The following LCP1 variants were observed in gnomAD, a reference collection of about 807,000 sequenced individuals.
The protein encoded by LCP1 is plastin-2.
In LCP1, 23 loss-of-function variants were observed where a neutral mutation model predicts 72.0. The ratio of observed to expected loss-of-function variants is 0.32; its 90% CI spans 0.23 to 0.45. The LOEUF is 0.45. LCP1 is among the 20% of genes least tolerant of loss of function. The probability of loss-of-function intolerance (pLI) is 1.00; values close to 1 mark genes in which losing one functional copy is unlikely to be tolerated. For synonymous variants in LCP1, 245 were observed against 275.4 expected (o/e 0.89, Z 1.09); for missense variants, 571 against 748.3 (o/e 0.76, Z 2.76).
chr13:46,168,730 A>G (rs1436562365), intron 1 of LCP1, among the ~76,000 whole-genome samples: 1 of 152,222 alleles, frequency 6.6e-6, no homozygotes, highest in Non-Finnish European at 1.5e-5. Context: ...CCAAATAAGG[A>G]AATCCTACAA....
At chr13:46,159,880 C>T (rs894339828) in intron 1 of LCP1, among the ~76,000 whole-genome samples, 194 bp from the exon 2 acceptor site, 1 of 152,180 alleles carries the variant, frequency 6.6e-6, no homozygotes, top group African/African-American at 2.4e-5. Flanking sequence ...CCAAAGATGG[C>T]TCTCAACAAT....
rs1405002255 is a variant in LCP1, at chr13:46,134,381, A to G, written c.1503-131T>C. On this transcript the variant is annotated intron_variant, in intron 13 of 15. Transcript: ENST00000323076. Reference sequence around the variant, plus strand: ...CAGTCTGGACACCATTACATTTGAGAGAAAAAAAGAACATATTACAACATT... The same window carrying G: ...CAGTCTGGACACCATTACATTTGAGGGAAAAAAAGAACATATTACAACATT... The G allele has an allele frequency of 2.1e-5, 15 of 712,022 alleles. No homozygotes were observed. In the Admixed American group the frequency reaches 4.4e-4, roughly 21 times the overall value. 44.1% of individuals were successfully genotyped at this position (712,022 alleles called of 1,614,324 possible).
intron 8 of LCP1, among the ~76,000 whole-genome samples, chr13:46,149,598 C>G (rs901565712): frequency 1.3e-5 from 2 of 152,224 alleles, no homozygotes; most frequent in Admixed American, 6.5e-5. Context: ...AGGTTGCTGG[C>G]TGGCTACTCA....
intron 12 of LCP1, 36 bp from the exon 13 acceptor site, chr13:46,142,461 C>A (rs1043976331): frequency 1.3e-6 from 2 of 1,597,736 alleles, no homozygotes; most frequent in Admixed American, 1.7e-5. Context: ...TTAACGTCAT[C>A]ATCTTGATTA....
intron 7 of LCP1, among the ~76,000 whole-genome samples, 196 bp from the exon 8 acceptor site, chr13:46,151,274 G>A (rs1425382966): frequency 6.6e-6 from 1 of 152,166 alleles, no homozygotes; most frequent in Non-Finnish European, 1.5e-5. Flanking sequence ...GCCATTGTGA[G>A]CTTATTTATT....
chr13:46,169,905 C>T (rs531071433), intron 1 of LCP1, among the ~76,000 whole-genome samples: 3 of 152,304 alleles, frequency 2.0e-5, no homozygotes, highest in South Asian at 4.1e-4. Flanking sequence ...TCAGACTTAT[C>T]GCAACAATCA....
At chr13:46,175,433 T>A (rs559999429) in intron 1 of LCP1, among the ~76,000 whole-genome samples, 2 of 152,322 alleles carry the variant, frequency 1.3e-5, no homozygotes, top group East Asian at 3.9e-4. Context: ...TAAATCCAAA[T>A]CTGTCTCTAC....
At chr13:46,137,467 C>A (rs111491580) in intron 13 of LCP1, among the ~76,000 whole-genome samples, 2 of 151,920 alleles carry the variant, frequency 1.3e-5, no homozygotes, top group African/African-American at 4.8e-5. Context: ...TTGAACCTGG[C>A]GGGTGGAGGT....
intron 12 of LCP1, chr13:46,142,840 A>G (rs1414219518): frequency 8.9e-6 from 4 of 449,634 alleles, no homozygotes; most frequent in Admixed American, 7.5e-5. Flanking sequence ...GTAGCTACGC[A>G]TGGATCATTA....
intron 14 of LCP1, among the ~76,000 whole-genome samples, chr13:46,133,828 C>G (rs2045647753): frequency 6.6e-6 from 1 of 152,036 alleles, no homozygotes; most frequent in Non-Finnish European, 1.5e-5. Context: ...CCCCAAACCT[C>G]AGCATCACTC....
At chr13:46,154,779 A>T (rs1234450976) in intron 6 of LCP1, 26 bp downstream of exon 6, 2 of 1,582,594 alleles carry the variant, frequency 1.3e-6, no homozygotes, top group Non-Finnish European at 1.7e-6. Context: ...CAAATCCTGT[A>T]TTATGGTAAC....
chr13:46,171,738 G>C lies in LCP1; in HGVS notation c.-25+10373C>G, dbSNP rs190900201. Among the ~76,000 whole-genome samples, 197 of 152,332 alleles carry C rather than the reference G, an allele frequency of 1.3e-3. 1 individual carries two copies. Among genetic ancestry groups the C allele is most frequent in the Non-Finnish European group, 2.2e-3 (152 of 68,034 alleles). ...ACTACACTAATATGAATATTTTAAA[G>C]ATATTATTTGCATGGAGCTACAGGA... On this transcript the variant is annotated intron_variant, in intron 1 of 15. Transcript: ENST00000323076.
In LCP1 at chr13:46,173,936, A is replaced by T. The variant is rs541795521; in HGVS notation, c.-25+8175T>A. On this transcript the variant is annotated intron_variant, in intron 1 of 15. Transcript: ENST00000323076. ...ACTATGAGCCATGAAAAGAAAAGAG[A>T]TCTCTGGGCATCTGTGATGAGGACC... is the stretch of plus-strand genomic sequence containing the variant. 3.3e-5 allele frequency among the ~76,000 whole-genome samples: 5 copies of T among 152,316 alleles called. No homozygotes were observed. In the South Asian group the frequency reaches 1.0e-3, roughly 32 times the overall value.
At chr13:46,151,632 A>G (rs967461589) in intron 7 of LCP1, among the ~76,000 whole-genome samples, 2 of 152,204 alleles carry the variant, frequency 1.3e-5, no homozygotes, top group African/African-American at 4.8e-5. Context: ...TCATTATTTG[A>G]AGATCAATAT....
rs375050521 is a variant in LCP1 at position 46,130,819 on chromosome 13, A to G, written c.1746T>C (p.Asn582=). 14 of 1,612,550 alleles carry G rather than the reference A, an allele frequency of 8.7e-6. No homozygotes were observed. The highest frequency in any genetic ancestry group is 1.1e-5 in the South Asian group (1 of 90,598). The stretch of plus-strand genomic sequence containing the variant: ...GTTTATTTTTATTTACGTACTTTGC[A>G]TTGTTGAGTTTCTCATCATCATTCA... ...ENLNDDEKLN[N]AKYAISMARK... Residue 582 remains asparagine, a synonymous_variant, in exon 15 of 16, where the codon AAT becomes AAC. Transcript: ENST00000323076.
At chr13:46,162,254 CCCCTCCCCCT>C (rs1199522224) in intron 1 of LCP1, among the ~76,000 whole-genome samples, 22 of 107,162 alleles carry the variant, frequency 2.1e-4, no homozygotes, top group East Asian at 9.8e-4. Context: ...CCTCTCCCTC[CCCCTCCCCCT>C]CCCTCCCCCT....
At chr13:46,138,251 G>A (rs1301826708) in intron 13 of LCP1, among the ~76,000 whole-genome samples, 2 of 152,040 alleles carry the variant, frequency 1.3e-5, no homozygotes, top group Admixed American at 6.5e-5. Flanking sequence ...TTATTGTCCA[G>A]ATAAATGACC....
At chr13:46,142,208 TAACTC>T in intron 13 of LCP1, 79 bp downstream of exon 13, 1 of 1,372,162 alleles carries the variant, frequency 7.3e-7, no homozygotes, top group South Asian at 1.3e-5. Context: ...TTTACTGAAT[TAACTC>T]ATACTGCTAA....
chr13:46,144,401 GTCTCTA>G (rs1470242513), intron 11 of LCP1, 35 bp downstream of exon 11: 2 of 1,418,178 alleles, frequency 1.4e-6, no homozygotes, highest in Non-Finnish European at 2.0e-6. Flanking sequence ...CTCTTTTGAG[GTCTCTA>G]TCTTACATTA....
Sources: gnomAD v4.1 joint callset for allele counts (sites outside exome capture counted in the v4.1 genomes callset) on GRCh38, gnomAD v4.1.1 for gene constraint, MANE v1.5 for transcripts, NCBI Gene and HGNC (gene_info 2026-07-23, HGNC 2026-07-21) for gene names.